The following KIAA1217 variants were observed in gnomAD, a reference collection of about 807,000 sequenced individuals.
KIAA1217 encodes sickle tail protein homolog.
In KIAA1217, 88 loss-of-function variants were observed where a neutral mutation model predicts 163.9. That is an observed-to-expected ratio of 0.54 (90% CI 0.45 to 0.64). The LOEUF is 0.64. Among genes scored for constraint, KIAA1217 ranks in the 30% least tolerant of loss-of-function variants. The probability of loss-of-function intolerance (pLI) is 0.00; values close to 1 mark genes in which losing one functional copy is unlikely to be tolerated. For synonymous variants in KIAA1217, 903 were observed against 923.1 expected (o/e 0.98, Z 0.39); for missense variants, 2,372 against 2,475.0 (o/e 0.96, Z 0.88).
intron 1 of KIAA1217, among the ~76,000 whole-genome samples, chr10:23,696,739 G>T (rs372985675): frequency 6.6e-6 from 1 of 152,154 alleles, no homozygotes; most frequent in African/African-American, 2.4e-5. Flanking sequence ...ACTCACACTC[G>T]CAGCCCATTA....
At chr10:24,285,204 TTGCTGTGCAGAAGCTC>T (rs1418247554) in intron 2 of KIAA1217, among the ~76,000 whole-genome samples, 1 of 152,258 alleles carries the variant, frequency 6.6e-6, no homozygotes, top group African/African-American at 2.4e-5. Flanking sequence ...ATAGTATCTT[TTGCTGTGCAGAAGCTC>T]TTCAGTTTAA....
chr10:23,880,877 TTTCAGCCACATTCGGCTGC>T (rs1230026015), intron 1 of KIAA1217, among the ~76,000 whole-genome samples: 1 of 151,976 alleles, frequency 6.6e-6, no homozygotes, highest in Non-Finnish European at 1.5e-5. Flanking sequence ...TATGTGTGCT[TTTCAGCCACATTCGGCTGC>T]TTGCCTGGTG....
At chr10:23,964,287 T>C (rs1376523966) in intron 1 of KIAA1217, among the ~76,000 whole-genome samples, 1 of 149,478 alleles carries the variant, frequency 6.7e-6, no homozygotes, top group Non-Finnish European at 1.5e-5. Context: ...CACTTTTTGA[T>C]GGGGTTGTTT....
chr10:24,256,535 C>A (rs2075178050), intron 2 of KIAA1217, among the ~76,000 whole-genome samples: 1 of 151,786 alleles, frequency 6.6e-6, no homozygotes, highest in African/African-American at 2.4e-5. Context: ...CTGAAAGAAA[C>A]CTTGGGAAAA....
intron 1 of KIAA1217, among the ~76,000 whole-genome samples, chr10:23,861,751 C>T (rs1355864425): frequency 1.3e-5 from 2 of 152,124 alleles, no homozygotes; most frequent in East Asian, 1.9e-4. Flanking sequence ...ATTTGGACCT[C>T]AGTCCTGCAA....
At chr10:24,064,291 C>T (rs1423092161) in intron 2 of KIAA1217, among the ~76,000 whole-genome samples, 2 of 152,080 alleles carry the variant, frequency 1.3e-5, no homozygotes, top group Admixed American at 6.6e-5. Context: ...TCATAGATAG[C>T]TCTTATTATT....
At chr10:24,152,703 C>T (rs1225987289) in intron 2 of KIAA1217, among the ~76,000 whole-genome samples, 2 of 149,662 alleles carry the variant, frequency 1.3e-5, no homozygotes, top group African/African-American at 2.5e-5. Flanking sequence ...ATAAACTTTA[C>T]TATCTTGTAC....
intron 2 of KIAA1217, among the ~76,000 whole-genome samples, chr10:24,338,817 G>A (rs991710236): frequency 2.6e-5 from 4 of 151,724 alleles, no homozygotes; most frequent in African/African-American, 9.7e-5. Flanking sequence ...ATTATTATAT[G>A]GATAACTTTT....
chr10:23,965,021 C>G (rs1845000036), intron 1 of KIAA1217, among the ~76,000 whole-genome samples: 1 of 152,170 alleles, frequency 6.6e-6, no homozygotes, highest in Non-Finnish European at 1.5e-5. Context: ...ACCCCGTCCC[C>G]CAGCTGCACA....
intron 9 of KIAA1217, among the ~76,000 whole-genome samples, chr10:24,507,959 G>A (rs114742513): frequency 0.011 from 1,645 of 152,250 alleles, 17 homozygotes; most frequent in African/African-American, 0.017. Context: ...GTGGAATGAC[G>A]TCTTTAAAGT....
intron 2 of KIAA1217, among the ~76,000 whole-genome samples, chr10:24,015,786 G>A (rs1391176163): frequency 1.3e-5 from 2 of 150,032 alleles, no homozygotes; most frequent in Non-Finnish European, 3.0e-5. Context: ...AAAAAGGAAA[G>A]AAAGAAAGAA....
chr10:24,054,828 C>G lies in KIAA1217; in HGVS notation c.-171+47454C>G, dbSNP rs563542325. On this transcript the variant is annotated intron_variant, in intron 2 of 18. Coordinates refer to the KIAA1217 transcript ENST00000376462. ...TACTGAATACTATGGACAATTGTAA[C>G]ACAACGGTAAGTATCTGTACATCTA... Among the ~76,000 whole-genome samples the G allele has an allele frequency of 7.2e-5, 11 of 152,184 alleles. No homozygotes were observed. The South Asian group carries it at 2.1e-3, about 29-fold the overall frequency.
At chr10:24,363,729 G>A (rs1591330647) in intron 2 of KIAA1217, among the ~76,000 whole-genome samples, 1 of 151,796 alleles carries the variant, frequency 6.6e-6, no homozygotes, top group African/African-American at 2.4e-5. Context: ...GTGCCACTAT[G>A]CCCAGCTAAT....
chr10:23,728,211 T>A (rs1314858041), intron 1 of KIAA1217, among the ~76,000 whole-genome samples: 2 of 152,200 alleles, frequency 1.3e-5, no homozygotes, highest in African/African-American at 4.8e-5. Flanking sequence ...AATGGTATTT[T>A]TCGTTCTAGA....
At chr10:24,393,211 G>C (rs1203815214) in intron 3 of KIAA1217, among the ~76,000 whole-genome samples, 1 of 152,170 alleles carries the variant, frequency 6.6e-6, no homozygotes, top group African/African-American at 2.4e-5. Context: ...ATTTAGGGCA[G>C]TTTCTCATAT....
chr10:24,281,979 C>T (rs971294283), intron 2 of KIAA1217, among the ~76,000 whole-genome samples: 1 of 151,964 alleles, frequency 6.6e-6, no homozygotes, highest in Admixed American at 6.6e-5. Flanking sequence ...ATGGTGTGAA[C>T]CCAGGAGGCG....
intron 3 of KIAA1217, among the ~76,000 whole-genome samples, chr10:24,389,432 A>C (rs2054527720): frequency 6.6e-6 from 1 of 152,152 alleles, no homozygotes; most frequent in Non-Finnish European, 1.5e-5. Context: ...GGATAGCATT[A>C]GGAGATATAC....
At chr10:24,092,928 T>TGTG (rs548350322) in intron 2 of KIAA1217, among the ~76,000 whole-genome samples, 1,486 of 141,048 alleles carry the variant, frequency 0.011, 39 homozygotes, top group African/African-American at 0.036. Flanking sequence ...TGTGTGTGTG[T>TGTG]TGTGTGTGTG....
At chr10:23,786,008 T>C (rs1051913207) in intron 1 of KIAA1217, among the ~76,000 whole-genome samples, 2 of 152,210 alleles carry the variant, frequency 1.3e-5, no homozygotes, top group African/African-American at 2.4e-5. Flanking sequence ...GACATAAAAG[T>C]TGCCCTCAAA....
Sources: allele counts gnomAD v4.1 joint callset (sites outside exome capture counted in the v4.1 genomes callset), GRCh38; gene constraint gnomAD v4.1.1; transcripts MANE v1.5; gene names NCBI Gene and HGNC (gene_info 2026-07-23, HGNC 2026-07-21).